The following NRDE2 variants were observed in gnomAD, a reference collection of about 807,000 sequenced individuals.
NRDE2 encodes the protein nuclear exosome regulator NRDE2.
NRDE2 carries 76 observed loss-of-function variants against 124.2 expected under a neutral mutation model. The ratio of observed to expected loss-of-function variants is 0.61; its 90% CI spans 0.51 to 0.74. The LOEUF is 0.74. Among genes scored for constraint, NRDE2 ranks in the 30% least tolerant of loss-of-function variants. The pLI is 0.00. For missense variants in NRDE2, 1,314 were observed against 1,417.3 expected (o/e 0.93, Z 1.17); for synonymous variants, 489 against 528.1 (o/e 0.93, Z 1.01).
Position 90,304,219 on chromosome 14 carries a change from T to C in NRDE2, c.721A>G (p.Ser241Gly), listed in dbSNP as rs1566693515. The change falls in exon 5 of 14, where the codon AGT (serine) becomes GGT (glycine). Residue 241 changes from serine (S) to glycine (G), a missense_variant. Transcript: ENST00000354366. ...TCAGATGAGGGAGGTTCAGTTTTACTGCTAATGGCAACTCCATCGATGTTC... is the reference window on the plus strand; with the variant it reads ...TCAGATGAGGGAGGTTCAGTTTTACCGCTAATGGCAACTCCATCGATGTTC... ...LMNIDGVAIS[S>G]KTEPPSSEPI... 5 of 1,614,188 alleles carry C rather than the reference T, an allele frequency of 3.1e-6. No homozygotes were observed. Among genetic ancestry groups the C allele is most frequent in the Non-Finnish European group, 3.4e-6 (4 of 1,180,046 alleles).
chr14:90,306,067 T>C (rs1222448053), intron 4 of NRDE2, among the ~76,000 whole-genome samples: 1 of 152,160 alleles, frequency 6.6e-6, no homozygotes, highest in Admixed American at 6.5e-5. Context: ...ACAAACTTAA[T>C]GGATACAAAG....
chr14:90,307,242 A>G (rs1356209996), intron 4 of NRDE2, among the ~76,000 whole-genome samples: 1 of 152,360 alleles, frequency 6.6e-6, no homozygotes, highest in East Asian at 1.9e-4. Flanking sequence ...TATAATTTGT[A>G]TTGACTTCAA....
At chr14:90,329,582 A>T (rs1267371015) in intron 1 of NRDE2, among the ~76,000 whole-genome samples, 3 of 152,138 alleles carry the variant, frequency 2.0e-5, no homozygotes, top group African/African-American at 7.2e-5. Context: ...CACACCTGTA[A>T]TCCCAGCACT....
rs1482787613 is a variant in NRDE2 at position 90,316,657 on chromosome 14, A to T, written c.328T>A (p.Ser110Thr). The T allele has an allele frequency of 1.9e-6, 3 of 1,613,914 alleles. No individual in the cohort carries two copies. Among genetic ancestry groups the T allele is most frequent in the Non-Finnish European group, 2.5e-6 (3 of 1,180,004 alleles). The change falls in exon 3 of 14, where the codon TCT becomes ACT. Residue 110 changes from serine to threonine, a missense_variant. By Grantham distance (58) the Ser-to-Thr change is moderately conservative (BLOSUM62 1). Transcript: ENST00000354366. ...RKHGPSSSSR[S>T]ETDTDSEKDK... ...TTTTCAGAATCGGTGTCTGTCTCAGACCTGCTGCTACTCGACGGCCCATGC... is the reference window on the plus strand; with the variant it reads ...TTTTCAGAATCGGTGTCTGTCTCAGTCCTGCTGCTACTCGACGGCCCATGC...
intron 1 of NRDE2, among the ~76,000 whole-genome samples, chr14:90,329,096 C>T (rs147078123): frequency 6.6e-6 from 1 of 152,184 alleles, no homozygotes; most frequent in Non-Finnish European, 1.5e-5. Context: ...CTTTTACACA[C>T]ATTTTCCTGA....
chr14:90,283,327 G>A (rs185679447), intron 12 of NRDE2, among the ~76,000 whole-genome samples: 4 of 152,210 alleles, frequency 2.6e-5, no homozygotes, highest in East Asian at 1.9e-4. Flanking sequence ...GTCTACAACC[G>A]AACCAAACTA....
chr14:90,286,408 G>A lies in NRDE2; in HGVS notation c.3243C>T (p.Arg1081=), dbSNP rs142496380. Residue 1081 remains arginine (R), a synonymous_variant, in exon 12 of 14, where the codon CGC becomes CGT. Transcript: ENST00000354366. ...RIQALFENAM[R]SDSGSQCPLL... ...AGGGGCACTGGCTGCCACTGTCGCT[G>A]CGCATGGCATTTTCAAACAGGGCTT... The A allele has an allele frequency of 9.9e-6, 16 of 1,614,186 alleles. No homozygotes were observed. In the African/African-American group the frequency reaches 2.1e-4, roughly 22 times the overall value.
rs944460587 is a variant in NRDE2, at chr14:90,271,111, C to T, written c.*7225G>A. 5.9e-5 allele frequency: 9 copies of T among 152,296 alleles called. No individual in the cohort carries two copies. The highest frequency in any genetic ancestry group is 2.1e-4 in the South Asian group (1 of 4,822). 9.4% of individuals were successfully genotyped at this position (152,296 alleles called of 1,614,324 possible). Reference sequence around the variant, plus strand: ...AATTTTCAAGCCTTCAAAAAAGTTGCAACAATAGCACAGTGATTTGCCAAG... The same window carrying T: ...AATTTTCAAGCCTTCAAAAAAGTTGTAACAATAGCACAGTGATTTGCCAAG... On this transcript the variant is annotated 3_prime_UTR_variant, in exon 14 of 14. Coordinates refer to ENST00000354366, the MANE Select transcript of NRDE2 (RefSeq NM_017970.4).
chr14:90,301,558 T>C (rs1315711887), intron 6 of NRDE2, among the ~76,000 whole-genome samples, 186 bp from the exon 7 acceptor site: 1 of 152,226 alleles, frequency 6.6e-6, no homozygotes, highest in Non-Finnish European at 1.5e-5. Context: ...CCAAGTATGT[T>C]TGTTCTAATT....
At position 90,268,895 on chromosome 14, in the gene NRDE2, C is replaced by T. The variant is rs1042366906; in HGVS notation, c.*9441G>A. ...TGTATAAAGAATAGAAATGTATTTCCCACAGTTCTGGAGGCTGAGAAGCCC... is the reference window on the plus strand; with the variant it reads ...TGTATAAAGAATAGAAATGTATTTCTCACAGTTCTGGAGGCTGAGAAGCCC... On this transcript the variant is annotated 3_prime_UTR_variant, in exon 14 of 14. Transcript: ENST00000354366. The T allele has an allele frequency of 6.3e-6, 1 of 158,898 alleles. No homozygotes were observed. The highest frequency in any genetic ancestry group is 1.4e-5 in the Non-Finnish European group (1 of 72,520). The allele number at this position is 158,898 out of a possible 1,614,324, so 9.8% of individuals were successfully genotyped here.
intron 13 of NRDE2, chr14:90,278,682 T>C: frequency 1.7e-6 from 1 of 574,448 alleles, no homozygotes. Flanking sequence ...CGAGGCCTTC[T>C]CTTTTAAAAG....
intron 4 of NRDE2, among the ~76,000 whole-genome samples, chr14:90,306,575 C>G (rs1010017559): frequency 2.0e-5 from 3 of 152,158 alleles, no homozygotes; most frequent in Non-Finnish European, 4.4e-5. Context: ...CTTTGGGAGG[C>G]TGAGGCGGGT....
In NRDE2 at chr14:90,288,668, G is replaced by A; in HGVS notation, c.2707C>T (p.Leu903=). 1 of 1,614,180 alleles carries A rather than the reference G, an allele frequency of 6.2e-7. No individual in the cohort carries two copies. The highest frequency in any genetic ancestry group is 8.5e-7 in the Non-Finnish European group (1 of 1,180,038). ...ATGAAGCATTTAGCCAGGCTAATTA[G>A]GCGGCTACAGGAATCGGTGGGAGCT... ...NPAPTDSCSR[L]ISLAKCFMLF... Residue 903 remains leucine (L), a synonymous_variant, in exon 11 of 14, where the codon CTA becomes TTA. Transcript: ENST00000354366.
intron 4 of NRDE2, among the ~76,000 whole-genome samples, chr14:90,312,033 A>T (rs1884860259): frequency 6.6e-6 from 1 of 152,198 alleles, no homozygotes. Flanking sequence ...GGATAAATGA[A>T]AGCTTTCCAA....
At chr14:90,288,057 T>C (rs1429169316) in intron 11 of NRDE2, among the ~76,000 whole-genome samples, 160 bp downstream of exon 11, 1 of 152,214 alleles carries the variant, frequency 6.6e-6, no homozygotes, top group Non-Finnish European at 1.5e-5. Flanking sequence ...TCGCTTGCCT[T>C]TCAATCCGTT....
In NRDE2 at chr14:90,273,437, A is replaced by G. The variant is rs1460622602; in HGVS notation, c.*4899T>C. On this transcript the variant is annotated 3_prime_UTR_variant, in exon 14 of 14. Transcript: ENST00000354366. The stretch of plus-strand genomic sequence containing the variant: ...GCTGTGCGTGGTGGCAGGTGCCTGT[A>G]GTCCCAGCTACTCAGGAGGCTGAGG... 1 of 152,228 alleles carries G rather than the reference A, an allele frequency of 6.6e-6. No individual in the cohort carries two copies. Among genetic ancestry groups the G allele is most frequent in the African/African-American group, 2.4e-5 (1 of 41,444 alleles). The allele number at this position is 152,228 out of a possible 1,614,324, so 9.4% of individuals were successfully genotyped here.
Position 90,270,055 on chromosome 14 carries a change from T to A in NRDE2, c.*8281A>T. The A allele has an allele frequency of 1.2e-6, 1 of 826,438 alleles. No individual in the cohort carries two copies. The highest frequency in any genetic ancestry group is 1.9e-6 in the Non-Finnish European group (1 of 539,612). 51.2% of individuals were successfully genotyped at this position (826,438 alleles called of 1,614,324 possible). ...TCTACAAACTACAAAAATATATGTT[T>A]ACTTTTTAAAATTTAGACATCCTTC... On this transcript the variant is annotated 3_prime_UTR_variant, in exon 14 of 14. Coordinates refer to ENST00000354366, the MANE Select transcript of NRDE2 (RefSeq NM_017970.4).
At chr14:90,296,352 C>T (rs950640146) in intron 8 of NRDE2, among the ~76,000 whole-genome samples, 1 of 152,092 alleles carries the variant, frequency 6.6e-6, no homozygotes, top group African/African-American at 2.4e-5. Flanking sequence ...TACATAAAAC[C>T]ACTGGTCAGC....
In NRDE2 at chr14:90,268,435, T is replaced by G; in HGVS notation, c.*9901A>C. On this transcript the variant is annotated 3_prime_UTR_variant, in exon 14 of 14. Coordinates refer to ENST00000354366, the MANE Select transcript of NRDE2 (RefSeq NM_017970.4). The stretch of plus-strand genomic sequence containing the variant: ...AAAGGTAGACTTTCTCATACTTATT[T>G]TGCCTTGTTTAGTAGGGAACACCGC... The G allele has an allele frequency of 6.2e-7, 1 of 1,612,702 alleles. No individual in the cohort carries two copies. Among genetic ancestry groups the G allele is most frequent in the Non-Finnish European group, 8.5e-7 (1 of 1,178,908 alleles).
Sources: allele counts gnomAD v4.1 joint callset (sites outside exome capture counted in the v4.1 genomes callset), GRCh38; gene constraint gnomAD v4.1.1; transcripts MANE v1.5; gene names NCBI Gene and HGNC (gene_info 2026-07-23, HGNC 2026-07-21).